Variants in STMP1 observed in about 807,000 individuals in gnomAD.
STMP1 encodes mitolamban.
In STMP1, 7 loss-of-function variants were observed where a neutral mutation model predicts 7.0. The observed-to-expected ratio is 1.01, with a 90% CI of 0.57 to 1.89. The LOEUF is 1.89. STMP1 is among the 40% of genes most tolerant of loss of function. The pLI, the probability that STMP1 is intolerant of heterozygous loss-of-function variation, is 0.00. For missense variants in STMP1, 45 were observed against 53.0 expected (o/e 0.85, Z 0.47); for synonymous variants, 19 against 18.4 (o/e 1.03, Z -0.08).
intron 2 of STMP1, chr7:135,673,045 A>G: frequency 2.0e-6 from 1 of 510,172 alleles, no homozygotes; most frequent in Non-Finnish European, 3.5e-6. Context: ...GCTCATGATC[A>G]TCCTCAGCTG....
chr7:135,662,522 A>G lies in STMP1; in HGVS notation c.-58A>G. On this transcript the variant is annotated 5_prime_UTR_variant, in exon 1 of 3. Coordinates refer to ENST00000507606, the MANE Select transcript of STMP1 (RefSeq NM_001130929.2). ...CCCGCGCATGGGGAGGTAGGCTCGGACCGGCCCGCGGAGCTGCTGCAGTCC... is the reference window on the plus strand; with the variant it reads ...CCCGCGCATGGGGAGGTAGGCTCGGGCCGGCCCGCGGAGCTGCTGCAGTCC... 7 of 1,526,382 alleles carry G rather than the reference A, an allele frequency of 4.6e-6. No individual in the cohort carries two copies. The highest frequency in any genetic ancestry group is 3.6e-5 in the South Asian group (3 of 82,692). 94.6% of individuals were successfully genotyped at this position (1,526,382 alleles called of 1,614,324 possible). A position where few individuals can be genotyped will look rare whatever the true frequency, so the allele number is the denominator to read the frequency against.
intron 1 of STMP1, among the ~76,000 whole-genome samples, chr7:135,663,763 T>TCCTG (rs1228551570): frequency 1.3e-5 from 2 of 152,232 alleles, no homozygotes; most frequent in Admixed American, 6.5e-5. Context: ...TAAGCGATTC[T>TCCTG]CCTGCCTCAG....
chr7:135,669,918 A>G (rs1795339812), intron 1 of STMP1, among the ~76,000 whole-genome samples: 1 of 152,202 alleles, frequency 6.6e-6, no homozygotes, highest in Non-Finnish European at 1.5e-5. Flanking sequence ...AGAATTGTGG[A>G]TAATGGATTG....
At chr7:135,669,175 C>T (rs936350318) in intron 1 of STMP1, among the ~76,000 whole-genome samples, 1 of 151,530 alleles carries the variant, frequency 6.6e-6, no homozygotes, top group Non-Finnish European at 1.5e-5. Flanking sequence ...TTACCTCCCA[C>T]TTGGTCCCTC....
intron 1 of STMP1, among the ~76,000 whole-genome samples, chr7:135,663,795 G>A (rs1387148605): frequency 6.6e-6 from 1 of 152,128 alleles, no homozygotes; most frequent in African/African-American, 2.4e-5. Context: ...GCTGGTGCGC[G>A]CCAGCAGGCC....
chr7:135,667,478 G>GC (rs1283997798), intron 1 of STMP1, among the ~76,000 whole-genome samples: 2 of 152,318 alleles, frequency 1.3e-5, no homozygotes, highest in South Asian at 4.1e-4. Flanking sequence ...CTCCCAAACT[G>GC]TGGGATTACA....
intron 1 of STMP1, among the ~76,000 whole-genome samples, chr7:135,667,152 CTGTT>C (rs1225632837): frequency 5.3e-5 from 8 of 152,226 alleles, no homozygotes; most frequent in Non-Finnish European, 7.3e-5. Flanking sequence ...TGCTTGTTGA[CTGTT>C]TGTAGCTTTG....
chr7:135,663,704 G>A (rs1308782802), intron 1 of STMP1, among the ~76,000 whole-genome samples: 3 of 152,156 alleles, frequency 2.0e-5, no homozygotes, highest in African/African-American at 7.2e-5. Context: ...CGCCAGGCTG[G>A]AGTGCAGTAG....
At position 135,662,549 on chromosome 7, in the gene STMP1, T is replaced by TCGCGCCCTC. The variant is rs1313660294; in HGVS notation, c.-29_-21dup. The TCGCGCCCTC allele has an allele frequency of 6.5e-6, 10 of 1,546,126 alleles. No individual in the cohort carries two copies. The highest frequency in any genetic ancestry group is 1.4e-5 in the African/African-American group (1 of 72,364). ...CGGCCCGCGGAGCTGCTGCAGTCCT[T>TCGCGCCCTC]CGCGCCCTCCTCGCCCTCCCCACCG... On this transcript the variant is annotated 5_prime_UTR_variant, in exon 1 of 3. Coordinates refer to ENST00000507606, the MANE Select transcript of STMP1 (RefSeq NM_001130929.2).
chr7:135,672,788 T>C lies in STMP1; in HGVS notation c.51T>C (p.Tyr17=). ...GFTLGNVVGM[Y]LAQNYDIPNL... is the part of the protein sequence containing the mutation. ...CACTGGGCAACGTGGTTGGAATGTA[T>C]CTGGCTCAGAACTATGATGTAAGTG... Residue 17 remains tyrosine (Y), a synonymous_variant, in exon 2 of 3, where the codon TAT becomes TAC. Transcript: ENST00000507606. 1 of 1,551,664 alleles carries C rather than the reference T, an allele frequency of 6.4e-7. No homozygotes were observed. The highest frequency in any genetic ancestry group is 8.7e-7 in the Non-Finnish European group (1 of 1,146,932).
intron 1 of STMP1, among the ~76,000 whole-genome samples, chr7:135,662,877 C>T (rs543256018): frequency 6.6e-6 from 1 of 152,372 alleles, no homozygotes; most frequent in South Asian, 2.1e-4. Context: ...GCGCCCCGCG[C>T]TCATTGTGCA....
At chr7:135,671,412 G>T (rs1795356478) in intron 1 of STMP1, among the ~76,000 whole-genome samples, 1 of 152,042 alleles carries the variant, frequency 6.6e-6, no homozygotes, top group South Asian at 2.1e-4. Flanking sequence ...AAACCTCTCT[G>T]CTGTGTATTG....
intron 1 of STMP1, among the ~76,000 whole-genome samples, chr7:135,665,866 A>G (rs1156908812): frequency 1.3e-5 from 2 of 151,374 alleles, no homozygotes; most frequent in East Asian, 3.9e-4. Context: ...CTTTGTGCAC[A>G]CTGCCTATGA....
chr7:135,674,039 G>C (rs1213289619), intron 2 of STMP1, 52 bp from the exon 3 acceptor site: 1 of 1,145,602 alleles, frequency 8.7e-7, no homozygotes, highest in African/African-American at 1.6e-5. Context: ...AGAAGTACAA[G>C]AATATTGATT....
chr7:135,664,512 C>T (rs986981024), intron 1 of STMP1, among the ~76,000 whole-genome samples: 8 of 151,950 alleles, frequency 5.3e-5, no homozygotes, highest in East Asian at 3.9e-4. Context: ...CACTACCACC[C>T]GTGACTAATT....
chr7:135,672,964 A>C (rs971331989), intron 2 of STMP1, 158 bp downstream of exon 2: 44 of 649,168 alleles, frequency 6.8e-5, no homozygotes, highest in Non-Finnish European at 9.9e-5. Context: ...TGTTTGAAAA[A>C]GTAATCCAAC....
intron 1 of STMP1, among the ~76,000 whole-genome samples, chr7:135,669,489 G>A (rs1336719172): frequency 6.6e-6 from 1 of 152,124 alleles, no homozygotes; most frequent in Admixed American, 6.5e-5. Flanking sequence ...TTCTCTAAGG[G>A]CAGAGATCAT....
At chr7:135,665,802 A>G (rs1795285551) in intron 1 of STMP1, 1 of 152,014 alleles carries the variant, frequency 6.6e-6, no homozygotes, top group Non-Finnish European at 1.5e-5. Context: ...GTTTAGCTAG[A>G]GTTATTTTAA....
chr7:135,670,319 T>TA (rs1795344611), intron 1 of STMP1, among the ~76,000 whole-genome samples: 1 of 152,096 alleles, frequency 6.6e-6, no homozygotes, highest in Admixed American at 6.6e-5. Flanking sequence ...AGCAGGGCAT[T>TA]GTGATGGCAT....
Sources: gnomAD v4.1 joint callset for allele counts (sites outside exome capture counted in the v4.1 genomes callset) on GRCh38, gnomAD v4.1.1 for gene constraint, MANE v1.5 for transcripts, NCBI Gene and HGNC (gene_info 2026-07-23, HGNC 2026-07-21) for gene names.